The following PLCE1 variants were observed in gnomAD, a reference collection of about 807,000 sequenced individuals.
PLCE1 encodes phospholipase C epsilon 1, also known as 1-phosphatidylinositol 4,5-bisphosphate phosphodiesterase epsilon-1.
In PLCE1, 119 loss-of-function variants were observed where a neutral mutation model predicts 242.8. The ratio of observed to expected loss-of-function variants is 0.49; its 90% CI spans 0.42 to 0.57. The LOEUF is 0.57. Ranked by LOEUF, PLCE1 falls within the 20% of genes least tolerant of loss-of-function variation. PLCE1 has a pLI of 0.00. For missense variants in PLCE1, 2,441 were observed against 2,788.8 expected, an observed-to-expected ratio of 0.88 and a Z score of 2.81; for synonymous variants, 945 against 1,017.4, an observed-to-expected ratio of 0.93 and a Z score of 1.35.
chr10:94,082,734 T>C (rs1459859475), intron 2 of PLCE1, among the ~76,000 whole-genome samples: 2 of 152,230 alleles, frequency 1.3e-5, no homozygotes, highest in Middle Eastern at 3.2e-3. Flanking sequence ...TAATAATTTT[T>C]TCCATACATT....
At chr10:94,073,762 C>T (rs563755904) in intron 2 of PLCE1, among the ~76,000 whole-genome samples, 1 of 152,258 alleles carries the variant, frequency 6.6e-6, no homozygotes, top group South Asian at 2.1e-4. Context: ...CTACTGCTCC[C>T]CACACAGAAT....
chr10:94,279,838 C>A lies in PLCE1; in HGVS notation c.4722C>A (p.Pro1574=), dbSNP rs530018734. 38 of 1,613,334 alleles carry A rather than the reference C, an allele frequency of 2.4e-5. No individual in the cohort carries two copies. The South Asian group carries it at 2.9e-4, about 12-fold the overall frequency. ...CTTATAATGGTGGGAATGCCAACCCCCGACCTGCCAATAATGAGGAAGAGG... is the reference window on the plus strand; with the variant it reads ...CTTATAATGGTGGGAATGCCAACCCACGACCTGCCAATAATGAGGAAGAGG... The part of the protein sequence containing the change: ...VQAYNGGNAN[P]RPANNEEEED... The change falls in exon 20 of 33, where the codon CCC becomes CCA. Residue 1574 remains proline (P), a synonymous_variant. Coordinates refer to ENST00000371380, the MANE Select transcript of PLCE1 (RefSeq NM_016341.4).
chr10:94,250,024 A>C (rs1412514425), intron 8 of PLCE1, among the ~76,000 whole-genome samples: 2 of 152,058 alleles, frequency 1.3e-5, no homozygotes, highest in African/African-American at 4.8e-5. Context: ...CCAAGAGGTA[A>C]CAGTGCATGG....
At position 94,030,991 on chromosome 10, in the gene PLCE1, A is replaced by G. The variant is rs1327609635; in HGVS notation, c.-56A>G. 3 of 1,581,384 alleles carry G rather than the reference A, an allele frequency of 1.9e-6. No homozygotes were observed. Among genetic ancestry groups the G allele is most frequent in the African/African-American group, 2.7e-5 (2 of 74,206 alleles). ...TCAGTCATTTTATTAAAACCTTGAC[A>G]TGATCACCAGGGAGGAAAAATAGAG... On this transcript the variant is annotated 5_prime_UTR_variant, in exon 2 of 33. It removes an upstream start codon present in the reference 5' UTR. Transcript: ENST00000371380.
chr10:94,235,819 G>A, intron 6 of PLCE1, 96 bp from the exon 7 acceptor site: 2 of 1,452,640 alleles, frequency 1.4e-6, no homozygotes, highest in Non-Finnish European at 1.9e-6. Flanking sequence ...AGGCACAAAT[G>A]CCATTATTTA....
chr10:94,012,289 G>A (rs1198764609), intron 1 of PLCE1, among the ~76,000 whole-genome samples: 2 of 151,774 alleles, frequency 1.3e-5, no homozygotes, highest in Non-Finnish European at 2.9e-5. Flanking sequence ...TCTTGTTTCA[G>A]ACACATGCCT....
chr10:94,089,155 C>T (rs777260981), intron 2 of PLCE1: 1 of 1,613,918 alleles, frequency 6.2e-7, no homozygotes, highest in East Asian at 2.2e-5. Flanking sequence ...GGTGAGGCAG[C>T]TCCACGTGAG....
At chr10:94,036,177 A>C (rs947359903) in intron 2 of PLCE1, among the ~76,000 whole-genome samples, 2 of 152,152 alleles carry the variant, frequency 1.3e-5, no homozygotes, top group African/African-American at 4.8e-5. Context: ...TGTGGCGTTA[A>C]ATGAGATGCT....
intron 16 of PLCE1, among the ~76,000 whole-genome samples, chr10:94,267,932 G>A (rs1441209935): frequency 6.6e-6 from 1 of 152,204 alleles, no homozygotes; most frequent in Non-Finnish European, 1.5e-5. Flanking sequence ...AAACTCTAGT[G>A]GCCACTAAGC....
At chr10:94,307,283 C>A in intron 26 of PLCE1, among the ~76,000 whole-genome samples, 1 of 152,156 alleles carries the variant, frequency 6.6e-6, no homozygotes, top group Non-Finnish European at 1.5e-5. Flanking sequence ...GATTCAGTGG[C>A]CTCAGGTGAA....
chr10:94,032,246 G>C lies in PLCE1; in HGVS notation c.1200G>C (p.Trp400Cys). ...DGSQRLSEAQ[W>C]YPIYNAVRRE... is the part of the protein sequence containing the mutation. ...GCCAACGTCTGTCAGAAGCCCAGTG[G>C]TATCCTGTAAGCATTTGAGTTTCTT... is the stretch of plus-strand genomic sequence containing the variant. Residue 400 changes from tryptophan to cysteine, a missense_variant, in exon 2 of 33, where the codon TGG (tryptophan) becomes TGC (cysteine). Physicochemically the swap from Trp to Cys is radical, Grantham distance 215. Transcript: ENST00000371380. 1 of 1,613,052 alleles carries C rather than the reference G, an allele frequency of 6.2e-7. No individual in the cohort carries two copies.
intron 2 of PLCE1, among the ~76,000 whole-genome samples, chr10:94,087,211 G>A (rs181051703): frequency 6.6e-5 from 10 of 151,772 alleles, no homozygotes; most frequent in Admixed American, 2.6e-4. Context: ...TTAGCCAGGT[G>A]TGGTGGCTTG....
chr10:94,325,109 A>G lies in PLCE1; in HGVS notation c.*24+5A>G. The G allele has an allele frequency of 6.3e-7, 1 of 1,593,866 alleles. No individual in the cohort carries two copies. The highest frequency in any genetic ancestry group is 1.1e-5 in the South Asian group (1 of 90,652). Reference sequence around the variant, plus strand: ...AGGGCAGCATGTTTAACCCAGGTATAGTAAGTCATTGCACCATCCTGGAAC... The same window carrying G: ...AGGGCAGCATGTTTAACCCAGGTATGGTAAGTCATTGCACCATCCTGGAAC... On this transcript the variant is annotated splice_donor_5th_base_variant and intron_variant, in intron 32 of 32. Coordinates refer to ENST00000371380, the MANE Select transcript of PLCE1 (RefSeq NM_016341.4).
intron 2 of PLCE1, among the ~76,000 whole-genome samples, chr10:94,070,578 C>CT (rs1376649553): frequency 1.3e-5 from 2 of 152,204 alleles, no homozygotes; most frequent in Non-Finnish European, 2.9e-5. Context: ...AGTCTAGACT[C>CT]TAATTGTTCA....
intron 2 of PLCE1, among the ~76,000 whole-genome samples, chr10:94,065,845 T>C (rs1021043070): frequency 2.5e-4 from 38 of 152,162 alleles, no homozygotes; most frequent in African/African-American, 8.7e-4. Flanking sequence ...GAATGTCCCA[T>C]GGCCATTTGA....
chr10:94,079,577 A>G (rs1036160719), intron 2 of PLCE1, among the ~76,000 whole-genome samples: 6 of 152,322 alleles, frequency 3.9e-5, no homozygotes, highest in Middle Eastern at 3.4e-3. Context: ...CTGCACATGT[A>G]TCCCAGAACT....
chr10:94,154,431 C>T (rs1464549200), intron 3 of PLCE1, among the ~76,000 whole-genome samples: 1 of 152,008 alleles, frequency 6.6e-6, no homozygotes, highest in Non-Finnish European at 1.5e-5. Flanking sequence ...GGATATATAC[C>T]AAAGGTACAG....
chr10:94,278,513 CTG>C (rs2052049029), intron 19 of PLCE1, among the ~76,000 whole-genome samples: 1 of 152,176 alleles, frequency 6.6e-6, no homozygotes, highest in Non-Finnish European at 1.5e-5. Flanking sequence ...ATGTTTTCTA[CTG>C]TGTTAATAAA....
At chr10:94,006,280 G>A (rs1239726406) in intron 1 of PLCE1, among the ~76,000 whole-genome samples, 1 of 152,194 alleles carries the variant, frequency 6.6e-6, no homozygotes, top group Non-Finnish European at 1.5e-5. Context: ...TGTTTGACAT[G>A]TAATATCATC....
Sources: allele counts gnomAD v4.1 joint callset (sites outside exome capture counted in the v4.1 genomes callset), GRCh38; gene constraint gnomAD v4.1.1; transcripts MANE v1.5; gene names NCBI Gene and HGNC (gene_info 2026-07-23, HGNC 2026-07-21).